Variants in ADCYAP1R1 observed in about 807,000 individuals in gnomAD.
ADCYAP1R1 encodes ADCYAP receptor type I.
Under a neutral mutation model 67.6 loss-of-function variants are expected in ADCYAP1R1, and 44 were observed. The ratio of observed to expected loss-of-function variants is 0.65; its 90% CI spans 0.51 to 0.84. The LOEUF (loss-of-function observed/expected upper bound fraction) is 0.84, where lower values mean the gene tolerates loss of function less well. Ranked by LOEUF, ADCYAP1R1 falls within the 40% of genes least tolerant of loss-of-function variation. The probability of loss-of-function intolerance (pLI) is 0.00; values close to 1 mark genes in which losing one functional copy is unlikely to be tolerated. For synonymous variants in ADCYAP1R1, 222 were observed against 219.6 expected (o/e 1.01, Z -0.10); for missense variants, 477 against 587.9 (o/e 0.81, Z 1.95).
At position 31,086,874 on chromosome 7, in the gene ADCYAP1R1, AGGTCTAC is replaced by A; in HGVS notation, c.824-65_824-59del. 2.6e-6 allele frequency: 4 copies of A among 1,521,488 alleles called. No homozygotes were observed. The South Asian group carries it at 4.5e-5, about 17-fold the overall frequency. The allele number at this position is 1,521,488 out of a possible 1,614,324, so 94.2% of individuals were successfully genotyped here. ...GGGAGCAATAGCCTCTCGGAGCCCC[AGGTCTAC>A]GGTGGACATTGGACATGTTGGTTTT... On this transcript the variant is annotated intron_variant, in intron 10 of 15. Transcript: ENST00000304166. The surrounding 1 kb of genome is among the most constrained non-coding windows in gnomAD (Gnocchi z 5.0).
intron 14 of ADCYAP1R1, among the ~76,000 whole-genome samples, chr7:31,104,253 AC>A (rs1796550002): frequency 6.6e-6 from 1 of 151,756 alleles, no homozygotes; most frequent in Admixed American, 6.6e-5. Flanking sequence ...TTCTTCCAAC[AC>A]CTTCAAACGA....
chr7:31,080,538 G>A, intron 4 of ADCYAP1R1, 75 bp from the exon 5 acceptor site: 2 of 1,481,086 alleles, frequency 1.4e-6, no homozygotes, highest in South Asian at 1.2e-5. Flanking sequence ...AAGACCCAAG[G>A]AGAGCAGCCC....
rs914927785 is a variant in ADCYAP1R1 at position 31,109,427 on chromosome 7, C to G, written c.*2743C>G. On this transcript the variant is annotated 3_prime_UTR_variant, in exon 16 of 16. Coordinates refer to ENST00000304166, the MANE Select transcript of ADCYAP1R1 (RefSeq NM_001118.5). ...CATCTCTGGAACTCTGTCTAAACAC[C>G]AGCCATCTACTTGGAATGGGCCCCA... 2.6e-5 allele frequency: 4 copies of G among 152,168 alleles called. No homozygotes were observed. The highest frequency in any genetic ancestry group is 4.4e-5 in the Non-Finnish European group (3 of 68,064). The allele number at this position is 152,168 out of a possible 1,614,324, so 9.4% of individuals were successfully genotyped here.
intron 12 of ADCYAP1R1, among the ~76,000 whole-genome samples, chr7:31,090,451 T>C (rs1795919963): frequency 6.6e-6 from 1 of 152,232 alleles, no homozygotes; most frequent in Non-Finnish European, 1.5e-5. Flanking sequence ...AGGGAATACA[T>C]GTGCAGGTTT....
chr7:31,105,027 C>G, intron 15 of ADCYAP1R1, 118 bp downstream of exon 15: 1 of 1,074,696 alleles, frequency 9.3e-7, no homozygotes, highest in South Asian at 1.3e-5. Flanking sequence ...CTGCCAGGCT[C>G]CCAGCACTGA....
At chr7:31,053,052 C>A (rs111299637) in intron 1 of ADCYAP1R1, among the ~76,000 whole-genome samples, 62 of 152,306 alleles carry the variant, frequency 4.1e-4, no homozygotes, top group African/African-American at 1.3e-3. Context: ...CCGGAGGGAC[C>A]CGGAGGGACA....
chr7:31,098,577 C>T (rs1007611716), intron 13 of ADCYAP1R1, among the ~76,000 whole-genome samples: 1 of 152,082 alleles, frequency 6.6e-6, no homozygotes, highest in Non-Finnish European at 1.5e-5. Flanking sequence ...AAGCATCAAA[C>T]CAAACCTCGA....
intron 3 of ADCYAP1R1, among the ~76,000 whole-genome samples, chr7:31,069,301 C>T (rs753931631): frequency 1.3e-5 from 2 of 152,194 alleles, no homozygotes; most frequent in Non-Finnish European, 2.9e-5. Context: ...TAATCCGTGC[C>T]AGTCCTCCTG....
intron 6 of ADCYAP1R1, 57 bp downstream of exon 6, chr7:31,081,811 CAT>C: frequency 1.4e-6 from 2 of 1,460,064 alleles, no homozygotes; most frequent in South Asian, 1.3e-5. Flanking sequence ...CGTCTGCTGA[CAT>C]GTGAGCTTTG....
chr7:31,092,853 G>C (rs1242558077), intron 13 of ADCYAP1R1, 118 bp downstream of exon 13: 5 of 701,898 alleles, frequency 7.1e-6, no homozygotes, highest in African/African-American at 5.4e-5. Flanking sequence ...ATCAGCATTT[G>C]CAGATCTTCT....
rs1197362613 is a variant in ADCYAP1R1, at chr7:31,109,162, CAT to C, written c.*2480_*2481del. On this transcript the variant is annotated 3_prime_UTR_variant, in exon 16 of 16. Coordinates refer to ENST00000304166, the MANE Select transcript of ADCYAP1R1 (RefSeq NM_001118.5). ...CTTCCTGAGCCTGGCCCTGCATCCT[CAT>C]AGAGGTGCCGGGTTCCTATTGGTTA... is the stretch of plus-strand genomic sequence containing the variant. 6.6e-6 allele frequency: 1 copy of C among 152,260 alleles called. No individual in the cohort carries two copies. The highest frequency in any genetic ancestry group is 2.4e-5 in the African/African-American group (1 of 41,464). 9.4% of individuals were successfully genotyped at this position (152,260 alleles called of 1,614,324 possible). A position where few individuals can be genotyped will look rare whatever the true frequency, so the allele number is the denominator to read the frequency against.
intron 1 of ADCYAP1R1, among the ~76,000 whole-genome samples, chr7:31,060,372 G>A (rs988869817): frequency 5.9e-5 from 9 of 152,232 alleles, no homozygotes; most frequent in Admixed American, 5.9e-4. Flanking sequence ...TATATCTACA[G>A]TCTGATATGT....
chr7:31,084,237 A>G lies in ADCYAP1R1; in HGVS notation c.425A>G (p.Glu142Gly). The change falls in exon 7 of 16, where the codon GAG becomes GGG. Residue 142 changes from glutamate to glycine, a missense_variant. Glu to Gly is a moderately conservative substitution (Grantham distance 98, BLOSUM62 -2). Transcript: ENST00000304166. The stretch of plus-strand genomic sequence containing the variant: ...TGTGGGTTTGATGAATATGAATCTG[A>G]GACTGGGGACCAGGTGAGTGTCTGC... ...DACGFDEYES[E>G]TGDQDYYYLS... The G allele has an allele frequency of 6.2e-7, 1 of 1,613,940 alleles. No homozygotes were observed. The highest frequency in any genetic ancestry group is 1.1e-5 in the South Asian group (1 of 91,050).
intron 6 of ADCYAP1R1, among the ~76,000 whole-genome samples, chr7:31,083,157 C>T (rs528697475): frequency 5.2e-5 from 8 of 152,388 alleles, no homozygotes; most frequent in Admixed American, 2.0e-4. Flanking sequence ...GAACCAACCA[C>T]ATGTGTCCTG....
rs976071684 is a variant in ADCYAP1R1, at chr7:31,106,420, G to T, written c.1219-76G>T. The T allele has an allele frequency of 6.0e-6, 9 of 1,490,836 alleles. No homozygotes were observed. In the African/African-American group the frequency reaches 7.1e-5, roughly 12 times the overall value. 92.4% of individuals were successfully genotyped at this position (1,490,836 alleles called of 1,614,324 possible). A position where few individuals can be genotyped will look rare whatever the true frequency, so the allele number is the denominator to read the frequency against. The stretch of plus-strand genomic sequence containing the variant: ...GGGTGGCACTGCCAGCCTGGGAAGG[G>T]CCCCAGGCCAGGACAGGGCCTGGAG... On this transcript the variant is annotated intron_variant, in intron 15 of 15. Transcript: ENST00000304166.
intron 15 of ADCYAP1R1, 99 bp from the exon 16 acceptor site, chr7:31,106,397 G>C (rs1328592985): frequency 1.4e-6 from 2 of 1,408,466 alleles, no homozygotes; most frequent in Non-Finnish European, 1.9e-6. Flanking sequence ...GGTGCTGAGG[G>C]TGGCACTGCC....
chr7:31,077,903 T>A, intron 3 of ADCYAP1R1, 88 bp from the exon 4 acceptor site: 1 of 764,140 alleles, frequency 1.3e-6, no homozygotes, highest in Non-Finnish European at 2.1e-6. Context: ...GTGTGTGGTG[T>A]GTATGTTGGT....
At chr7:31,064,335 C>G (rs901424136) in intron 2 of ADCYAP1R1, among the ~76,000 whole-genome samples, 2 of 152,200 alleles carry the variant, frequency 1.3e-5, no homozygotes, top group Non-Finnish European at 2.9e-5. Flanking sequence ...CAGTAGTAGC[C>G]TCGTGGCTGC....
chr7:31,085,288 C>G, intron 8 of ADCYAP1R1, 22 bp from the exon 9 acceptor site: 1 of 1,608,044 alleles, frequency 6.2e-7, no homozygotes, highest in Non-Finnish European at 8.5e-7. Context: ...AGGCTTCTTT[C>G]TCCCCTGGCC....
Sources: allele counts gnomAD v4.1 joint callset (sites outside exome capture counted in the v4.1 genomes callset), GRCh38; gene constraint gnomAD v4.1.1; non-coding constraint Gnocchi (gnomAD v3.1); transcripts MANE v1.5; gene names NCBI Gene and HGNC (gene_info 2026-07-23, HGNC 2026-07-21).